CFLAR: variants seen among roughly 807,000 people sequenced by gnomAD.
The protein encoded by CFLAR is CASP8 and FADD-like apoptosis regulator.
A neutral mutation model predicts 51.1 loss-of-function variants in CFLAR; 14 were observed. That is an observed-to-expected ratio of 0.27 (90% CI 0.18 to 0.43). The LOEUF (loss-of-function observed/expected upper bound fraction) is 0.43. CFLAR is among the 20% of genes least tolerant of loss of function. CFLAR has a pLI of 1.00. For missense variants in CFLAR, 390 were observed against 566.5 expected, an observed-to-expected ratio of 0.69 and a Z score of 3.16; for synonymous variants, 210 against 211.6, an observed-to-expected ratio of 0.99 and a Z score of 0.06.
intron 5 of CFLAR, chr2:201,140,731 G>A: frequency 4.0e-6 from 1 of 248,008 alleles, no homozygotes; most frequent in Admixed American, 5.5e-5. Flanking sequence ...TCTTTTTTAT[G>A]TGGGTTTGCA....
intron 3 of CFLAR, among the ~76,000 whole-genome samples, chr2:201,134,881 T>C (rs1481998231): frequency 6.6e-6 from 1 of 152,080 alleles, no homozygotes; most frequent in Non-Finnish European, 1.5e-5. Flanking sequence ...TGATTATAGT[T>C]TTGTTTCTTA....
Position 201,128,474 on chromosome 2 carries a change from G to A in CFLAR, c.-137-1255G>A, listed in dbSNP as rs530883571. On this transcript the variant is annotated intron_variant, in intron 1 of 9. Coordinates refer to ENST00000309955, the MANE Select transcript of CFLAR (RefSeq NM_003879.7). ...ATTTAAGTGAAGTTGGGATGAATGG[G>A]CAAGCCCATTTCAAATTTCTAACCT... 3.9e-5 allele frequency among the ~76,000 whole-genome samples: 6 copies of A among 152,246 alleles called. No individual in the cohort carries two copies. In the South Asian group the frequency reaches 1.2e-3, roughly 32 times the overall value.
chr2:201,158,498 C>A (rs1291523848), intron 8 of CFLAR, among the ~76,000 whole-genome samples: 1 of 152,160 alleles, frequency 6.6e-6, no homozygotes, highest in Non-Finnish European at 1.5e-5. Context: ...AGCTTTGAGT[C>A]TGGTGTTTCC....
intron 4 of CFLAR, chr2:201,139,149 C>T (rs930921613): frequency 1.6e-5 from 6 of 369,790 alleles, no homozygotes; most frequent in Non-Finnish European, 2.6e-5. Context: ...CCCTGTGCTC[C>T]CTGAAACATG....
chr2:201,162,994 A>AG, intron 9 of CFLAR: 1 of 746,820 alleles, frequency 1.3e-6, no homozygotes, highest in Non-Finnish European at 2.4e-6. Flanking sequence ...ATTGTTTTCT[A>AG]GGGGGACAAT....
chr2:201,151,581 C>A (rs1295976862), intron 8 of CFLAR, among the ~76,000 whole-genome samples: 1 of 151,788 alleles, frequency 6.6e-6, no homozygotes, highest in African/African-American at 2.4e-5. Flanking sequence ...CCATTAGTAC[C>A]CATATAAGAA....
At chr2:201,163,349 G>A (rs1311780076) in intron 9 of CFLAR, 2 of 1,172,840 alleles carry the variant, frequency 1.7e-6, no homozygotes, top group East Asian at 9.5e-5. Context: ...GCCTTTTTCA[G>A]TTGCACTCTA....
chr2:201,129,998 C>T lies in CFLAR; in HGVS notation c.133C>T (p.Arg45Trp), dbSNP rs761958596. The T allele has an allele frequency of 2.5e-5, 40 of 1,613,970 alleles. 2 individuals are homozygous for T. The highest frequency in any genetic ancestry group is 2.1e-4 in the South Asian group (19 of 91,084). The change falls in exon 2 of 10, where the codon CGG becomes TGG. Residue 45 changes from arginine to tryptophan, a missense_variant. Transcript: ENST00000309955. ...PNVRDLLDIL[R>W]ERGKLSVGDL... ...TGTCAGGGACCTTCTGGATATTTTACGGGAAAGAGGTAAGCTGTCTGTCGG... is the reference window on the plus strand; with the variant it reads ...TGTCAGGGACCTTCTGGATATTTTATGGGAAAGAGGTAAGCTGTCTGTCGG...
intron 2 of CFLAR, among the ~76,000 whole-genome samples, chr2:201,132,575 C>G (rs1483924055): frequency 6.6e-6 from 1 of 151,998 alleles, no homozygotes; most frequent in East Asian, 1.9e-4. Context: ...CAGGGTATCT[C>G]AGGTATTTCT....
chr2:201,156,609 G>GT (rs1193743577), intron 8 of CFLAR, among the ~76,000 whole-genome samples: 12 of 151,998 alleles, frequency 7.9e-5, no homozygotes, highest in Admixed American at 5.2e-4. Flanking sequence ...CTGTATTTTG[G>GT]TTTTTTTGGT....
At chr2:201,122,887 G>T (rs986069156) in intron 1 of CFLAR, 2 of 152,166 alleles carry the variant, frequency 1.3e-5, no homozygotes, top group African/African-American at 4.8e-5. Context: ...CTGAAGTGGG[G>T]ATGATACTCT....
intron 2 of CFLAR, among the ~76,000 whole-genome samples, chr2:201,131,885 A>C (rs1041245215): frequency 6.6e-6 from 1 of 152,206 alleles, no homozygotes; most frequent in African/African-American, 2.4e-5. Context: ...TTGTAAAGCG[A>C]AAAATAATAA....
chr2:201,160,405 TC>T (rs758489689), intron 8 of CFLAR, 26 bp from the exon 9 acceptor site: 1 of 1,602,276 alleles, frequency 6.2e-7, no homozygotes, highest in Non-Finnish European at 8.5e-7. Flanking sequence ...AGTGTTGTTT[TC>T]CGTGTTTGTT....
chr2:201,143,719 T>A (rs1373072508), intron 5 of CFLAR, among the ~76,000 whole-genome samples: 1 of 151,370 alleles, frequency 6.6e-6, no homozygotes, highest in African/African-American at 2.4e-5. Context: ...ATCCCAGCAC[T>A]TTGGGAGGCC....
intron 1 of CFLAR, among the ~76,000 whole-genome samples, chr2:201,127,780 C>G (rs547403911): frequency 2.6e-5 from 4 of 152,274 alleles, no homozygotes; most frequent in Admixed American, 6.5e-5. Context: ...ACTGAGTAAT[C>G]TAGATTTTGC....
Position 201,118,983 on chromosome 2 carries a change from C to T in CFLAR, c.-138+2502C>T, listed in dbSNP as rs1263550151. ...CTCCTGGGACGTCGGGGCACTGTCCCCCGATACTGGCAGAAAAGGATTGAG... is the reference window on the plus strand; with the variant it reads ...CTCCTGGGACGTCGGGGCACTGTCCTCCGATACTGGCAGAAAAGGATTGAG... On this transcript the variant is annotated intron_variant, in intron 1 of 9. Transcript: ENST00000309955. The surrounding 1 kb of genome is among the most constrained non-coding windows in gnomAD (Gnocchi z 5.1). The T allele has an allele frequency of 6.6e-6, 1 of 152,276 alleles. No individual in the cohort carries two copies. The highest frequency in any genetic ancestry group is 2.4e-5 in the African/African-American group (1 of 41,442). The allele number at this position is 152,276 out of a possible 1,614,324, so 9.4% of individuals were successfully genotyped here.
At chr2:201,163,030 A>G (rs758998386) in intron 9 of CFLAR, 3 of 757,444 alleles carry the variant, frequency 4.0e-6, no homozygotes, top group Non-Finnish European at 2.4e-6. Context: ...TACAGAGTCA[A>G]AGGACATGCA....
At chr2:201,146,455 G>A (rs2125828283) in intron 6 of CFLAR, 1 of 152,150 alleles carries the variant, frequency 6.6e-6, no homozygotes, top group African/African-American at 2.4e-5. Context: ...CCTAATTTTT[G>A]TATTTTTAGT....
intron 8 of CFLAR, among the ~76,000 whole-genome samples, chr2:201,156,751 C>G (rs1942248932): frequency 7.7e-6 from 1 of 130,414 alleles, no homozygotes; most frequent in Non-Finnish European, 1.6e-5. Context: ...TCCAGAAGTT[C>G]TAAAGAACAG....
Sources: gnomAD v4.1 joint callset for allele counts (sites outside exome capture counted in the v4.1 genomes callset) on GRCh38, gnomAD v4.1.1 for gene constraint, Gnocchi (gnomAD v3.1) non-coding constraint, MANE v1.5 for transcripts, NCBI Gene and HGNC (gene_info 2026-07-23, HGNC 2026-07-21) for gene names.